PGAM5: variants seen among roughly 807,000 people sequenced by gnomAD.
The protein encoded by PGAM5 is serine/threonine-protein phosphatase PGAM5, mitochondrial.
In PGAM5, 25 loss-of-function variants were observed where a neutral mutation model predicts 30.6. The ratio of observed to expected loss-of-function variants is 0.82; its 90% CI spans 0.60 to 1.14. PGAM5 has a LOEUF of 1.14. PGAM5 is among the 50% of genes most tolerant of loss of function. PGAM5 has a pLI of 0.00. For missense variants in PGAM5, 384 were observed against 408.5 expected, an observed-to-expected ratio of 0.94 and a Z score of 0.52; for synonymous variants, 201 against 179.1, an observed-to-expected ratio of 1.12 and a Z score of -0.98.
chr12:132,718,415 G>GCGTCCGCAC (rs1385558344), intron 5 of PGAM5, among the ~76,000 whole-genome samples: 1 of 47,338 alleles, frequency 2.1e-5, no homozygotes, highest in Admixed American at 2.0e-4. Context: ...TGCGTGCTGG[G>GCGTCCGCAC]TGGGGGTGTC....
At chr12:132,716,948 A>G (rs113314113) in intron 2 of PGAM5, among the ~76,000 whole-genome samples, 2 of 149,322 alleles carry the variant, frequency 1.3e-5, no homozygotes, top group African/African-American at 5.2e-5. Context: ...AAAAGCTCAC[A>G]AGAGAAAAGG....
intron 1 of PGAM5, chr12:132,711,636 A>G (rs1345136692): frequency 6.6e-6 from 1 of 151,906 alleles, no homozygotes; most frequent in Admixed American, 6.6e-5. Context: ...TACAAAAAAA[A>G]TTGGCCGAGC....
intron 5 of PGAM5, chr12:132,719,281 A>G (rs2043620058): frequency 2.9e-6 from 3 of 1,041,606 alleles, no homozygotes; most frequent in Non-Finnish European, 3.5e-6. Context: ...CTGGTCAGTG[A>G]TGCCGTGTGA....
intron 1 of PGAM5, among the ~76,000 whole-genome samples, chr12:132,714,074 G>A (rs969158757): frequency 2.6e-5 from 4 of 152,190 alleles, no homozygotes; most frequent in Admixed American, 6.5e-5. Flanking sequence ...CTGGAGTGCA[G>A]TGGCACGATC....
At chr12:132,711,255 C>T in intron 1 of PGAM5, 188 bp downstream of exon 1, 4 of 378,812 alleles carry the variant, frequency 1.1e-5, no homozygotes, top group Admixed American at 1.0e-4. Context: ...GGCGGCTGAC[C>T]CTTCCCGCCG....
In PGAM5 at chr12:132,720,853, G is replaced by C. The variant is rs1029465218; in HGVS notation, c.*25G>C. The stretch of plus-strand genomic sequence containing the variant: ...AGGGCTCCGGCCTCTCCTTCCCTCT[G>C]TCCTCCCTGCACAGGCCGCACACAC... On this transcript the variant is annotated 3_prime_UTR_variant, in exon 6 of 6. Transcript: ENST00000498926. The C allele has an allele frequency of 1.3e-6, 2 of 1,533,764 alleles. No individual in the cohort carries two copies. The highest frequency in any genetic ancestry group is 3.9e-5 in the Admixed American group (2 of 50,848).
chr12:132,720,132 G>GTCATCGATTCACGTCGATC (rs372139128), intron 5 of PGAM5, among the ~76,000 whole-genome samples: 1 of 152,146 alleles, frequency 6.6e-6, no homozygotes, highest in African/African-American at 2.4e-5. Flanking sequence ...GTCGATCCCA[G>GTCATCGATTCACGTCGATC]CCAGATCTTC....
chr12:132,715,889 AG>A (rs1344882762), intron 2 of PGAM5, among the ~76,000 whole-genome samples: 1 of 152,168 alleles, frequency 6.6e-6, no homozygotes, highest in Non-Finnish European at 1.5e-5. Context: ...AAAAAAAAAA[AG>A]CCCTTAACTT....
Position 132,718,076 on chromosome 12 carries a change from G to C in PGAM5, c.675G>C (p.Glu225Asp). The C allele has an allele frequency of 6.2e-7, 1 of 1,612,804 alleles. No individual in the cohort carries two copies. Among genetic ancestry groups the C allele is most frequent in the East Asian group, 2.2e-5 (1 of 44,822 alleles). Residue 225 changes from glutamate (E) to aspartate (D), a missense_variant, in exon 5 of 6, where the codon GAG (glutamate) becomes GAC (aspartate). Physicochemically the swap from Glu to Asp is conservative, Grantham distance 45. Transcript: ENST00000498926. ...CCAGGCAGGAGGAGGACAGTTACGA[G>C]ATCTTCATCTGTCACGCCAACGTCA... is the stretch of plus-strand genomic sequence containing the variant. ...ADARQEEDSYEIFICHANVIR... is the reference protein window; with the variant it reads ...ADARQEEDSYDIFICHANVIR...
In PGAM5 at chr12:132,720,668, C is replaced by A; in HGVS notation, c.720-10C>A. On this transcript the variant is annotated splice_polypyrimidine_tract_variant and intron_variant, in intron 5 of 5. Coordinates refer to ENST00000498926, the MANE Select transcript of PGAM5 (RefSeq NM_001170543.2). ...TAACGTGCTCTTTCTCTCTCTCTCT[C>A]TCTCCCCAGAGCACTGCAGTTTCCT... The A allele has an allele frequency of 6.5e-7, 1 of 1,534,272 alleles. No homozygotes were observed. Among genetic ancestry groups the A allele is most frequent in the Non-Finnish European group, 8.7e-7 (1 of 1,145,560 alleles).
rs1348376044 is a variant in PGAM5, at chr12:132,722,323, T to G, written c.*1495T>G. 4 of 150,626 alleles carry G rather than the reference T, an allele frequency of 2.7e-5. No homozygotes were observed. Among genetic ancestry groups the G allele is most frequent in the African/African-American group, 9.8e-5 (4 of 40,982 alleles). 9.3% of individuals were successfully genotyped at this position (150,626 alleles called of 1,614,324 possible). A position where few individuals can be genotyped will look rare whatever the true frequency, so the allele number is the denominator to read the frequency against. ...TGGAGTGCAGTGGCGCGATCTCGGC[T>G]CACTGCAACCTCTGCCTCCTGGGTT... is the stretch of plus-strand genomic sequence containing the variant. On this transcript the variant is annotated 3_prime_UTR_variant, in exon 6 of 6. Transcript: ENST00000498926.
At chr12:132,715,740 G>A (rs1403486533) in intron 2 of PGAM5, among the ~76,000 whole-genome samples, 1 of 152,130 alleles carries the variant, frequency 6.6e-6, no homozygotes, top group Non-Finnish European at 1.5e-5. Flanking sequence ...TTAGCCGGGT[G>A]CAGTGGCAGG....
At chr12:132,717,620 GC>G in intron 3 of PGAM5, 56 bp downstream of exon 3, 1 of 1,597,932 alleles carries the variant, frequency 6.3e-7, no homozygotes, top group East Asian at 2.3e-5. Context: ...TCGTGGCAGG[GC>G]CCCGGCCTGA....
intron 5 of PGAM5, 128 bp from the exon 6 acceptor site, chr12:132,720,550 A>G (rs1394815222): frequency 4.4e-6 from 4 of 912,904 alleles, no homozygotes; most frequent in African/African-American, 1.7e-5. Flanking sequence ...CTTGTGATCC[A>G]CCCGCCTGGC....
At chr12:132,711,163 C>A in intron 1 of PGAM5, 96 bp downstream of exon 1, 1 of 966,758 alleles carries the variant, frequency 1.0e-6, no homozygotes, top group Non-Finnish European at 1.3e-6. Flanking sequence ...AGGTTGCGAT[C>A]GGGTCGGGAT....
In PGAM5 at chr12:132,720,663, T is replaced by G. The variant is rs764334387; in HGVS notation, c.720-15T>G. 2 of 1,533,276 alleles carry G rather than the reference T, an allele frequency of 1.3e-6. No homozygotes were observed. The highest frequency in any genetic ancestry group is 4.9e-5 in the East Asian group (2 of 40,810). The allele number at this position is 1,533,276 out of a possible 1,614,324, so 95.0% of individuals were successfully genotyped here. A position where few individuals can be genotyped will look rare whatever the true frequency, so the allele number is the denominator to read the frequency against. On this transcript the variant is annotated splice_polypyrimidine_tract_variant and intron_variant, in intron 5 of 5. Coordinates refer to ENST00000498926, the MANE Select transcript of PGAM5 (RefSeq NM_001170543.2). Reference sequence around the variant, plus strand: ...GGCTCTAACGTGCTCTTTCTCTCTCTCTCTCTCTCCCCAGAGCACTGCAGT... The same window carrying G: ...GGCTCTAACGTGCTCTTTCTCTCTCGCTCTCTCTCCCCAGAGCACTGCAGT...
intron 5 of PGAM5, chr12:132,718,629 G>C (rs1327716778): frequency 1.1e-6 from 1 of 880,798 alleles, no homozygotes. Context: ...GTGCGTGCTG[G>C]GTGGGGGGTC....
chr12:132,720,632 C>G, intron 5 of PGAM5, 46 bp from the exon 6 acceptor site: 1 of 1,510,786 alleles, frequency 6.6e-7, no homozygotes, highest in Non-Finnish European at 8.8e-7. Flanking sequence ...AAGGACAGAG[C>G]CCCCTGGCTC....
chr12:132,717,663 C>T (rs769539950), intron 3 of PGAM5, 47 bp from the exon 4 acceptor site: 19 of 1,571,470 alleles, frequency 1.2e-5, no homozygotes, highest in Middle Eastern at 1.7e-4. Flanking sequence ...ACAGCATCTC[C>T]GCCGGCGGGG....
Sources: gnomAD v4.1 joint callset for allele counts (sites outside exome capture counted in the v4.1 genomes callset) on GRCh38, gnomAD v4.1.1 for gene constraint, MANE v1.5 for transcripts, NCBI Gene and HGNC (gene_info 2026-07-23, HGNC 2026-07-21) for gene names.